GPC3: variants seen among roughly 807,000 people sequenced by gnomAD.
The protein encoded by GPC3 is glypican-3.
Under a neutral mutation model 34.4 loss-of-function variants are expected in GPC3, and 3 were observed. The observed-to-expected ratio is 0.09, with a 90% confidence interval of 0.04 to 0.23. The LOEUF (loss-of-function observed/expected upper bound fraction) is 0.23, where lower values mean the gene tolerates loss of function less well. Among genes scored for constraint, GPC3 ranks in the 10% least tolerant of loss-of-function variants. The probability of loss-of-function intolerance (pLI) is 1.00; values close to 1 mark genes in which losing one functional copy is unlikely to be tolerated. For missense variants in GPC3, 351 were observed against 445.6 expected (o/e 0.79, Z 1.91); for synonymous variants, 177 against 174.0 (o/e 1.02, Z -0.13).
At chrX:133,874,186 C>A (rs1313088166) in intron 2 of GPC3, among the ~76,000 whole-genome samples, 1 of 112,021 alleles carries the variant, frequency 8.9e-6, no homozygotes, top group Non-Finnish European at 1.9e-5. Flanking sequence ...CTTTAGCCAC[C>A]TGGTCTCCCA....
In GPC3 at chrX:133,613,674, T is replaced by C. The variant is rs181510549; in HGVS notation, c.1414-17075A>G. On this transcript the variant is annotated intron_variant, in intron 6 of 7. Coordinates refer to ENST00000370818, the MANE Select transcript of GPC3 (RefSeq NM_004484.4). The stretch of plus-strand genomic sequence containing the variant: ...AATAATTTCCAAGCATCCATGTTAC[T>C]TCCTCATGAACAAATGGAGATTTAA... Among the ~76,000 whole-genome samples, 1,094 of 112,183 alleles carry C rather than the reference T, an allele frequency of 9.8e-3. 13 individuals carry two copies. Among genetic ancestry groups the C allele is most frequent in the African/African-American group, 0.034 (1,055 of 30,969 alleles).
At chrX:133,801,823 T>G (rs1207560059) in intron 2 of GPC3, among the ~76,000 whole-genome samples, 3 of 112,387 alleles carry the variant, frequency 2.7e-5, no homozygotes, top group African/African-American at 9.7e-5. Flanking sequence ...CTCTTAAGCT[T>G]TTGTTTTTTA....
At chrX:133,950,628 G>A (rs1307021875) in intron 2 of GPC3, among the ~76,000 whole-genome samples, 1 of 111,782 alleles carries the variant, frequency 8.9e-6, no homozygotes, top group Non-Finnish European at 1.9e-5. Flanking sequence ...GTATTTTAGG[G>A]GAAAAACAAT....
intron 3 of GPC3, among the ~76,000 whole-genome samples, chrX:133,729,289 C>T (rs2071441226): frequency 9.0e-6 from 1 of 111,349 alleles, no homozygotes; most frequent in South Asian, 3.8e-4. Flanking sequence ...GGACCCTATT[C>T]CCTCCATTAT....
chrX:133,575,926 G>A (rs1239490601), intron 7 of GPC3, among the ~76,000 whole-genome samples: 1 of 111,396 alleles, frequency 9.0e-6, no homozygotes, highest in Non-Finnish European at 1.9e-5. Flanking sequence ...TAAAGAGAGG[G>A]AGAAAAATCT....
chrX:133,892,970 G>A (rs767578950), intron 2 of GPC3, among the ~76,000 whole-genome samples: 2 of 111,776 alleles, frequency 1.8e-5, no homozygotes, highest in African/African-American at 3.2e-5. Flanking sequence ...TAAGCTCTCA[G>A]TCGGGCTGGG....
intron 2 of GPC3, among the ~76,000 whole-genome samples, chrX:133,792,397 G>T (rs1192180907): frequency 9.0e-6 from 1 of 111,684 alleles, no homozygotes; most frequent in African/African-American, 3.3e-5. Context: ...AATGGGTATA[G>T]AATGAGACAA....
intron 2 of GPC3, among the ~76,000 whole-genome samples, chrX:133,827,566 T>C (rs1006756979): frequency 5.4e-5 from 6 of 111,255 alleles, no homozygotes; most frequent in African/African-American, 2.0e-4. Context: ...GTGGATTACT[T>C]GAGGTCAGGA....
chrX:133,618,700 C>CA (rs199558969), intron 6 of GPC3, among the ~76,000 whole-genome samples: 1,282 of 41,372 alleles, frequency 0.031, 11 homozygotes, highest in Middle Eastern at 0.056. Flanking sequence ...GACACTGTAT[C>CA]AAAAAAAAAA....
At chrX:133,704,865 T>C (rs1298373022) in intron 3 of GPC3, among the ~76,000 whole-genome samples, 1 of 111,260 alleles carries the variant, frequency 9.0e-6, no homozygotes, top group African/African-American at 3.3e-5. Flanking sequence ...TGCAAAAATT[T>C]GATCTGATAC....
At chrX:133,802,346 TAACAACAAC>T (rs34458608) in intron 2 of GPC3, among the ~76,000 whole-genome samples, 44 of 109,456 alleles carry the variant, frequency 4.0e-4, no homozygotes, top group South Asian at 1.6e-3. Flanking sequence ...GACATTATAT[TAACAACAAC>T]AACAACAACA....
At chrX:133,926,662 T>C (rs1057032066) in intron 2 of GPC3, among the ~76,000 whole-genome samples, 2 of 112,226 alleles carry the variant, frequency 1.8e-5, no homozygotes, top group Non-Finnish European at 3.8e-5. Context: ...TAGACTACCA[T>C]GTGCATGTCT....
intron 2 of GPC3, among the ~76,000 whole-genome samples, chrX:133,891,998 TTG>T: frequency 9.1e-6 from 1 of 110,354 alleles, no homozygotes; most frequent in African/African-American, 3.3e-5. Flanking sequence ...CCTCACCAGG[TTG>T]TTATGAGAAT....
chrX:133,871,178 T>C (rs2075992621), intron 2 of GPC3, among the ~76,000 whole-genome samples: 1 of 111,542 alleles, frequency 9.0e-6, no homozygotes, highest in African/African-American at 3.3e-5. Context: ...CAAAATCCAA[T>C]TCATTTTGCC....
chrX:133,768,085 C>T (rs1387515569), intron 2 of GPC3, among the ~76,000 whole-genome samples: 1 of 110,855 alleles, frequency 9.0e-6, no homozygotes, highest in African/African-American at 3.3e-5. Context: ...CTCTGTTTCC[C>T]CCAGTTGTCT....
At chrX:133,914,537 T>G (rs988697040) in intron 2 of GPC3, among the ~76,000 whole-genome samples, 2 of 111,010 alleles carry the variant, frequency 1.8e-5, no homozygotes, top group African/African-American at 6.6e-5. Flanking sequence ...CCCCATTATA[T>G]TTTATCTCAC....
At chrX:133,802,628 C>G (rs1389836214) in intron 2 of GPC3, among the ~76,000 whole-genome samples, 1 of 112,246 alleles carries the variant, frequency 8.9e-6, no homozygotes, top group Non-Finnish European at 1.9e-5. Context: ...TCTCACAGGG[C>G]TAGTTAGAAG....
chrX:133,922,775 G>GAAAAAC (rs1475536173), intron 2 of GPC3, among the ~76,000 whole-genome samples: 1 of 109,559 alleles, frequency 9.1e-6, no homozygotes, highest in African/African-American at 3.3e-5. Context: ...GGATCCTCAG[G>GAAAAAC]AAAAACAAAA....
intron 1 of GPC3, among the ~76,000 whole-genome samples, chrX:133,958,393 T>A (rs2076425726): frequency 9.3e-6 from 1 of 108,104 alleles, no homozygotes. Context: ...AATTTTTTTT[T>A]AATGTAACTA....
Sources: gnomAD v4.1 joint callset for allele counts (sites outside exome capture counted in the v4.1 genomes callset) on GRCh38, gnomAD v4.1.1 for gene constraint, MANE v1.5 for transcripts, NCBI Gene and HGNC (gene_info 2026-07-23, HGNC 2026-07-21) for gene names.